Variants in XPO4 observed in about 807,000 individuals in gnomAD.
The protein encoded by XPO4 is exportin 4, also known as exportin-4.
XPO4 carries 39 observed loss-of-function variants against 143.0 expected under a neutral mutation model. The ratio of observed to expected loss-of-function variants is 0.27; its 90% confidence interval spans 0.21 to 0.36. The LOEUF (loss-of-function observed/expected upper bound fraction) is 0.36. XPO4 is among the 10% of genes least tolerant of loss of function. The pLI is 1.00. For missense variants in XPO4, 907 were observed against 1,348.0 expected, an observed-to-expected ratio of 0.67 and a Z score of 5.12; for synonymous variants, 439 against 474.0, an observed-to-expected ratio of 0.93 and a Z score of 0.96.
Position 20,821,685 on chromosome 13 carries a change from CT to C in XPO4, c.1173+18del. The C allele has an allele frequency of 6.2e-7, 1 of 1,602,358 alleles. No homozygotes were observed. On this transcript the variant is annotated intron_variant, in intron 9 of 22. Transcript: ENST00000255305. Reference sequence around the variant, plus strand: ...TCCTTGTGAAAACTGACACAATTTACTTTAGAATAGTCACTCACCACTTCTT... The same window carrying C: ...TCCTTGTGAAAACTGACACAATTTACTTAGAATAGTCACTCACCACTTCTT...
intron 4 of XPO4, chr13:20,848,207 C>G (rs2060046602): frequency 1.0e-6 from 1 of 972,830 alleles, no homozygotes; most frequent in South Asian, 4.8e-5. Context: ...GGTTAGAAAC[C>G]AAATAAAATT....
chr13:20,856,273 C>A, intron 3 of XPO4: 1 of 941,726 alleles, frequency 1.1e-6, no homozygotes, highest in Non-Finnish European at 1.3e-6. Flanking sequence ...AGGCAACATA[C>A]TAGCTATCCG....
chr13:20,887,110 T>C (rs761786447), intron 1 of XPO4, among the ~76,000 whole-genome samples: 33 of 152,074 alleles, frequency 2.2e-4, no homozygotes. Flanking sequence ...CAAACAAATT[T>C]ATTGTGATAA....
intron 1 of XPO4, among the ~76,000 whole-genome samples, chr13:20,876,264 GAAAA>G (rs35708026): frequency 3.1e-4 from 25 of 81,914 alleles, no homozygotes; most frequent in Non-Finnish European, 5.7e-4. Context: ...CTCCATCTCG[GAAAA>G]AAAAAAAAAA....
At chr13:20,874,922 AG>A (rs1401760576) in intron 1 of XPO4, among the ~76,000 whole-genome samples, 1 of 152,040 alleles carries the variant, frequency 6.6e-6, no homozygotes, top group African/African-American at 2.4e-5. Flanking sequence ...GAAACCCAGG[AG>A]GTGGAGGTAG....
chr13:20,786,718 CA>C (rs1566552854), intron 22 of XPO4, among the ~76,000 whole-genome samples: 1 of 152,086 alleles, frequency 6.6e-6, no homozygotes, highest in East Asian at 1.9e-4. Flanking sequence ...GTGACCATTG[CA>C]AAGGATGGTT....
chr13:20,880,563 G>C (rs1246283304), intron 1 of XPO4, among the ~76,000 whole-genome samples: 5 of 152,140 alleles, frequency 3.3e-5, no homozygotes, highest in Non-Finnish European at 7.4e-5. Context: ...CAAAAGAACT[G>C]AAAGCAATGC....
At chr13:20,887,365 T>C (rs1324253335) in intron 1 of XPO4, among the ~76,000 whole-genome samples, 1 of 152,176 alleles carries the variant, frequency 6.6e-6, no homozygotes, top group Admixed American at 6.5e-5. Flanking sequence ...TCATTCCACG[T>C]TGTATATATA....
intron 9 of XPO4, among the ~76,000 whole-genome samples, chr13:20,811,705 C>G (rs375645786): frequency 6.6e-6 from 1 of 152,176 alleles, no homozygotes; most frequent in East Asian, 1.9e-4. Flanking sequence ...GGAGAAAGGG[C>G]TGACACTGGA....
At chr13:20,805,123 A>G (rs1472309058) in intron 13 of XPO4, among the ~76,000 whole-genome samples, 1 of 151,808 alleles carries the variant, frequency 6.6e-6, no homozygotes, top group East Asian at 1.9e-4. Context: ...AATTTTTTGT[A>G]TTTAGTAGAG....
In XPO4 at chr13:20,779,676, G is replaced by GGA. The variant is rs1426542335; in HGVS notation, c.*4045_*4046insTC. ...GTCTTTACTAAGACTTACCCATAGA[G>GGA]AACTACAGCAGGAAACCGATTTCTT... On this transcript the variant is annotated 3_prime_UTR_variant, in exon 23 of 23. Transcript: ENST00000255305. 6.6e-6 allele frequency: 1 copy of GGA among 152,592 alleles called. No homozygotes were observed. Among genetic ancestry groups the GGA allele is most frequent in the Non-Finnish European group, 1.5e-5 (1 of 68,032 alleles). The allele number at this position is 152,592 out of a possible 1,614,324, so 9.5% of individuals were successfully genotyped here.
At chr13:20,792,978 C>T (rs1391484095) in intron 18 of XPO4, among the ~76,000 whole-genome samples, 2 of 151,650 alleles carry the variant, frequency 1.3e-5, no homozygotes, top group Non-Finnish European at 2.9e-5. Flanking sequence ...TTAGTAGAGA[C>T]GGGGTTTCTC....
chr13:20,834,734 G>A (rs543219008), intron 6 of XPO4, among the ~76,000 whole-genome samples: 1 of 151,968 alleles, frequency 6.6e-6, no homozygotes, highest in East Asian at 1.9e-4. Flanking sequence ...CAAAGCGGGA[G>A]GATCACTTGA....
chr13:20,785,768 T>C (rs1256410985), intron 22 of XPO4, among the ~76,000 whole-genome samples: 2 of 146,728 alleles, frequency 1.4e-5, no homozygotes, highest in Non-Finnish European at 3.0e-5. Context: ...TGTGTAAATA[T>C]GTTAAAAGAG....
At chr13:20,834,735 G>C (rs2059896023) in intron 6 of XPO4, among the ~76,000 whole-genome samples, 1 of 151,730 alleles carries the variant, frequency 6.6e-6, no homozygotes, top group Non-Finnish European at 1.5e-5. Context: ...AAAGCGGGAG[G>C]ATCACTTGAG....
intron 3 of XPO4, among the ~76,000 whole-genome samples, chr13:20,860,303 T>C (rs147608079): frequency 2.6e-4 from 40 of 152,350 alleles, no homozygotes; most frequent in African/African-American, 8.4e-4. Flanking sequence ...TAAACTTCTA[T>C]AAACACAGAG....
At chr13:20,882,395 C>T (rs1257916196) in intron 1 of XPO4, among the ~76,000 whole-genome samples, 1 of 152,026 alleles carries the variant, frequency 6.6e-6, no homozygotes, top group Admixed American at 6.6e-5. Flanking sequence ...TATCATATGG[C>T]AAGAAAGAAA....
chr13:20,807,316 A>T, intron 13 of XPO4, 141 bp downstream of exon 13: 2 of 784,566 alleles, frequency 2.5e-6, no homozygotes, highest in Non-Finnish European at 3.9e-6. Context: ...ATCCTTGTGT[A>T]TTTCAAGGCT....
At position 20,781,294 on chromosome 13, in the gene XPO4, CAAAAG is replaced by C. The variant is rs2059140010; in HGVS notation, c.*2423_*2427del. 6.6e-6 allele frequency: 1 copy of C among 152,418 alleles called. No homozygotes were observed. The highest frequency in any genetic ancestry group is 2.4e-5 in the African/African-American group (1 of 41,380). The allele number at this position is 152,418 out of a possible 1,614,324, so 9.4% of individuals were successfully genotyped here. On this transcript the variant is annotated 3_prime_UTR_variant, in exon 23 of 23. Transcript: ENST00000255305. ...AAAGACAAAATTGGACAAAATAAAA[CAAAAG>C]AAAACACAAAGTGAATAAGCATCCA...
Sources: gnomAD v4.1 joint callset for allele counts (sites outside exome capture counted in the v4.1 genomes callset) on GRCh38, gnomAD v4.1.1 for gene constraint, MANE v1.5 for transcripts, NCBI Gene and HGNC (gene_info 2026-07-23, HGNC 2026-07-21) for gene names.